The following PCDHGB5 variants were observed in gnomAD, a reference collection of about 807,000 sequenced individuals.
PCDHGB5 encodes the protein protocadherin gamma-B5.
In PCDHGB5, 48 loss-of-function variants were observed where a neutral mutation model predicts 62.9. The ratio of observed to expected loss-of-function variants is 0.76; its 90% confidence interval spans 0.61 to 0.97. The LOEUF is 0.97. Ranked by LOEUF, PCDHGB5 falls within the 50% of genes least tolerant of loss-of-function variation. PCDHGB5 has a pLI of 0.00. For missense variants in PCDHGB5, 1,118 were observed against 1,198.6 expected, an observed-to-expected ratio of 0.93 and a Z score of 0.99; for synonymous variants, 474 against 511.2, an observed-to-expected ratio of 0.93 and a Z score of 0.98.
intron 1 of PCDHGB5, among the ~76,000 whole-genome samples, chr5:141,438,705 G>A (rs555160868): frequency 2.0e-4 from 29 of 145,842 alleles, no homozygotes; most frequent in African/African-American, 7.1e-4. Flanking sequence ...CTGTCACCCA[G>A]GCTGGAGTGC....
At chr5:141,423,429 A>G (rs1590473158) in intron 1 of PCDHGB5, 2 of 1,613,960 alleles carry the variant, frequency 1.2e-6, no homozygotes, top group African/African-American at 1.3e-5. Flanking sequence ...GCGGGTTGGC[A>G]GGTATGCCCA....
At position 141,490,551 on chromosome 5, in the gene PCDHGB5, T is replaced by A; in HGVS notation, c.2398-4256T>A. On this transcript the variant is annotated intron_variant, in intron 1 of 3. Coordinates refer to ENST00000617380, the MANE Select transcript of PCDHGB5 (RefSeq NM_018925.3). This position sits in a 1 kb window ranked among gnomAD's most constrained non-coding sequence, Gnocchi z 5.4. ...CTGGTTCACCTTCCCTACACAAACA[T>A]CTCACCATCAGGCTCAACATTTCAG... is the stretch of plus-strand genomic sequence containing the variant. 1 of 1,614,088 alleles carries A rather than the reference T, an allele frequency of 6.2e-7. No individual in the cohort carries two copies. Among genetic ancestry groups the A allele is most frequent in the East Asian group, 2.2e-5 (1 of 44,874 alleles).
At position 141,491,039 on chromosome 5, in the gene PCDHGB5, G is replaced by T; in HGVS notation, c.2398-3768G>T. 1 of 1,614,180 alleles carries T rather than the reference G, an allele frequency of 6.2e-7. No individual in the cohort carries two copies. The highest frequency in any genetic ancestry group is 1.1e-5 in the South Asian group (1 of 91,090). ...GTGACAGCCGTGGATGCTGATGCAGGCCACAATGCGTGGCTCTCCTACTCA... is the reference window on the plus strand; with the variant it reads ...GTGACAGCCGTGGATGCTGATGCAGTCCACAATGCGTGGCTCTCCTACTCA... On this transcript the variant is annotated intron_variant, in intron 1 of 3. Transcript: ENST00000617380. The surrounding 1 kb of genome is among the most constrained non-coding windows in gnomAD (Gnocchi z 6.9).
chr5:141,428,197 G>A, intron 1 of PCDHGB5: 3 of 1,385,968 alleles, frequency 2.2e-6, no homozygotes, highest in Non-Finnish European at 3.0e-6. Context: ...CGCTCTCTGC[G>A]CCGCTACGCT....
chr5:141,409,942 C>G, intron 1 of PCDHGB5: 2 of 1,613,284 alleles, frequency 1.2e-6, no homozygotes, highest in Non-Finnish European at 1.7e-6. Context: ...TGGTACCTCG[C>G]TCTGCAGAGC....
At chr5:141,425,745 G>A (rs776065455) in intron 1 of PCDHGB5, among the ~76,000 whole-genome samples, 26 of 152,100 alleles carry the variant, frequency 1.7e-4, no homozygotes, top group Non-Finnish European at 2.9e-4. Flanking sequence ...TTCCCACAAG[G>A]TTTTTGTTCT....
At chr5:141,478,920 C>A (rs559060283) in intron 1 of PCDHGB5, 1 of 728,392 alleles carries the variant, frequency 1.4e-6, no homozygotes. Context: ...ATACCTCTAA[C>A]CAGTGGCAGC....
intron 1 of PCDHGB5, chr5:141,413,373 C>T (rs1421093311): frequency 1.2e-6 from 2 of 1,613,946 alleles, no homozygotes; most frequent in Non-Finnish European, 1.7e-6. Flanking sequence ...TGGCGGAGCG[C>T]GGAGTCCGCA....
At chr5:141,492,954 A>G (rs2099745299) in intron 1 of PCDHGB5, among the ~76,000 whole-genome samples, 1 of 152,212 alleles carries the variant, frequency 6.6e-6, no homozygotes, top group Non-Finnish European at 1.5e-5. Context: ...TGACCAAACT[A>G]TCTGACACTC....
intron 1 of PCDHGB5, chr5:141,414,883 G>T: frequency 6.2e-7 from 1 of 1,614,176 alleles, no homozygotes; most frequent in Non-Finnish European, 8.5e-7. Context: ...CCTGTACCCC[G>T]CCCTCCCCAC....
At chr5:141,414,148 G>C in intron 1 of PCDHGB5, 7 of 1,598,900 alleles carry the variant, frequency 4.4e-6, no homozygotes, top group Non-Finnish European at 6.0e-6. Flanking sequence ...AGAAATACAA[G>C]CAGAAGATGG....
chr5:141,499,570 A>G (rs1027373056), intron 2 of PCDHGB5, among the ~76,000 whole-genome samples: 2 of 152,200 alleles, frequency 1.3e-5, no homozygotes, highest in African/African-American at 4.8e-5. Context: ...TCCAGCTTCA[A>G]CTAATGCCTT....
At chr5:141,505,650 T>C (rs1595974645) in intron 3 of PCDHGB5, among the ~76,000 whole-genome samples, 169 bp downstream of exon 3, 1 of 152,094 alleles carries the variant, frequency 6.6e-6, no homozygotes, top group East Asian at 1.9e-4. Flanking sequence ...GAATTGTGGC[T>C]AAGGAACAGC....
intron 3 of PCDHGB5, among the ~76,000 whole-genome samples, chr5:141,510,230 G>A (rs1285202719): frequency 2.7e-5 from 4 of 149,638 alleles, no homozygotes; most frequent in Non-Finnish European, 5.9e-5. Context: ...CCGGGATCGC[G>A]CCACTGCACT....
chr5:141,422,331 T>C (rs768333038), intron 1 of PCDHGB5: 1 of 1,548,508 alleles, frequency 6.5e-7, no homozygotes, highest in South Asian at 1.3e-5. Context: ...CAGTGATTGC[T>C]CTTCTAAATG....
chr5:141,454,857 G>C (rs1365819097), intron 1 of PCDHGB5, among the ~76,000 whole-genome samples: 2 of 131,566 alleles, frequency 1.5e-5, no homozygotes, highest in African/African-American at 6.0e-5. Context: ...ACCCAGGCTG[G>C]AGTGCAGTGG....
chr5:141,467,756 T>A (rs1312303182), intron 1 of PCDHGB5, among the ~76,000 whole-genome samples: 5 of 151,988 alleles, frequency 3.3e-5, no homozygotes, highest in African/African-American at 1.2e-4. Flanking sequence ...CCGCCTCACA[T>A]GCTCAAGTGC....
intron 1 of PCDHGB5, chr5:141,427,531 A>C: frequency 1.6e-6 from 1 of 620,632 alleles, no homozygotes. Flanking sequence ...ATCCCGGAGT[A>C]CAACGTCACC....
chr5:141,478,637 G>A (rs1227108157), intron 1 of PCDHGB5: 2 of 1,552,684 alleles, frequency 1.3e-6, no homozygotes, highest in Non-Finnish European at 1.7e-6. Context: ...TTTTAGTGAT[G>A]AAGATGTTTT....
Sources: allele counts gnomAD v4.1 joint callset (sites outside exome capture counted in the v4.1 genomes callset), GRCh38; gene constraint gnomAD v4.1.1; non-coding constraint Gnocchi (gnomAD v3.1); transcripts MANE v1.5; gene names NCBI Gene and HGNC (gene_info 2026-07-23, HGNC 2026-07-21).